CDH23: variants seen among roughly 807,000 people sequenced by gnomAD.
CDH23 encodes the protein cadherin related 23, also known as cadherin-23.
A neutral mutation model predicts 317.1 loss-of-function variants in CDH23; 189 were observed. The ratio of observed to expected loss-of-function variants is 0.60; its 90% CI spans 0.53 to 0.67. The LOEUF is 0.67. CDH23 is among the 30% of genes least tolerant of loss of function. The pLI, the probability that CDH23 is intolerant of heterozygous loss-of-function variation, is 0.00. For missense variants in CDH23, 4,401 were observed against 4,592.4 expected, an observed-to-expected ratio of 0.96 and a Z score of 1.20; for synonymous variants, 1,839 against 1,876.8, an observed-to-expected ratio of 0.98 and a Z score of 0.52.
intron 6 of CDH23, among the ~76,000 whole-genome samples, chr10:71,527,884 G>A (rs144111522): frequency 4.6e-4 from 70 of 152,274 alleles, no homozygotes; most frequent in Non-Finnish European, 8.4e-4. Flanking sequence ...ATCAGTTTGC[G>A]TCCACCTGGA....
rs538009100 is a variant in CDH23 at position 71,815,378 on chromosome 10, G to C, written c.*100G>C. ...GGCCGGTCGGGGGGGACCCTCCAAG[G>C]CCAGGCCTTGGGGACAACCTTGGCT... On this transcript the variant is annotated 3_prime_UTR_variant, in exon 70 of 70. Coordinates refer to ENST00000224721, the MANE Select transcript of CDH23 (RefSeq NM_022124.6). 7.2e-5 allele frequency: 86 copies of C among 1,191,866 alleles called. 1 individual carries two copies. The African/African-American group carries it at 1.2e-3, about 16-fold the overall frequency. The allele number at this position is 1,191,866 out of a possible 1,614,324, so 73.8% of individuals were successfully genotyped here. A position where few individuals can be genotyped will look rare whatever the true frequency, so the allele number is the denominator to read the frequency against.
At chr10:71,461,628 G>A (rs375306089) in intron 3 of CDH23, among the ~76,000 whole-genome samples, 8 of 152,174 alleles carry the variant, frequency 5.3e-5, no homozygotes, top group Non-Finnish European at 8.8e-5. Flanking sequence ...CTCCATGCAC[G>A]GTCCATCACC....
chr10:71,642,691 C>T (rs1564704863), intron 11 of CDH23, among the ~76,000 whole-genome samples: 1 of 151,704 alleles, frequency 6.6e-6, no homozygotes, highest in Non-Finnish European at 1.5e-5. Context: ...TGAGCCACCG[C>T]ACCCGGCCTG....
In CDH23 at chr10:71,804,471, C is replaced by T. The variant is rs534081102; in HGVS notation, c.7872+1051C>T. ...AGAATGTCTCCCACTTGTTCTTTGTCCCCCAAACTCCACCCAGGCTCCACA... is the reference window on the plus strand; with the variant it reads ...AGAATGTCTCCCACTTGTTCTTTGTTCCCCAAACTCCACCCAGGCTCCACA... On this transcript the variant is annotated intron_variant, in intron 55 of 69. Coordinates refer to ENST00000224721, the MANE Select transcript of CDH23 (RefSeq NM_022124.6). Among the ~76,000 whole-genome samples, 9 of 152,276 alleles carry T rather than the reference C, an allele frequency of 5.9e-5. No homozygotes were observed. The South Asian group carries it at 1.9e-3, about 32-fold the overall frequency.
At chr10:71,484,111 G>C (rs1380282937) in intron 3 of CDH23, among the ~76,000 whole-genome samples, 2 of 152,220 alleles carry the variant, frequency 1.3e-5, no homozygotes, top group Non-Finnish European at 2.9e-5. Context: ...GTGAGGGCTT[G>C]AGGCATGGTG....
At position 71,777,757 on chromosome 10, in the gene CDH23, G is replaced by A. The variant is rs763455701; in HGVS notation, c.4923G>A (p.Val1641=). ...TGTTCCAGCAGCCCCACTATGAGGT[G>A]CTGCTGGATGAGGGCCCAGACACGC... ...APMFQQPHYE[V]LLDEGPDTLN... Residue 1641 remains valine (V), a synonymous_variant, in exon 39 of 70, where the codon GTG becomes GTA. Coordinates refer to ENST00000224721, the MANE Select transcript of CDH23 (RefSeq NM_022124.6). 122 of 1,613,722 alleles carry A rather than the reference G, an allele frequency of 7.6e-5. 11 individuals are homozygous for A. The highest frequency in any genetic ancestry group is 4.2e-6 in the Non-Finnish European group (5 of 1,179,844).
intron 41 of CDH23, among the ~76,000 whole-genome samples, chr10:71,784,001 GGCCT>G (rs1273805321): frequency 6.6e-6 from 1 of 152,182 alleles, no homozygotes. Flanking sequence ...GTCAGTCTCT[GGCCT>G]GCCTGTGGCC....
chr10:71,596,610 G>A (rs934168454), intron 9 of CDH23, among the ~76,000 whole-genome samples: 2 of 152,108 alleles, frequency 1.3e-5, no homozygotes, highest in Non-Finnish European at 2.9e-5. Flanking sequence ...TCCCTTCCAC[G>A]CCAGGACCCC....
chr10:71,794,242 A>G (rs1841344373), intron 48 of CDH23, among the ~76,000 whole-genome samples: 1 of 152,168 alleles, frequency 6.6e-6, no homozygotes, highest in Non-Finnish European at 1.5e-5. Context: ...ACCTCAGGTG[A>G]TCCACCTGCC....
chr10:71,445,847 C>CAAAAAAA (rs34460284), intron 2 of CDH23, among the ~76,000 whole-genome samples: 15 of 92,016 alleles, frequency 1.6e-4, no homozygotes, highest in African/African-American at 6.0e-4. Context: ...GACTCTGTCT[C>CAAAAAAA]AAAAAAAAAA....
At chr10:71,669,677 A>C (rs1864061944) in intron 14 of CDH23, among the ~76,000 whole-genome samples, 1 of 152,030 alleles carries the variant, frequency 6.6e-6, no homozygotes, top group South Asian at 2.1e-4. Flanking sequence ...TGATCTCTTG[A>C]TCTCAGGTGA....
intron 9 of CDH23, among the ~76,000 whole-genome samples, chr10:71,591,201 G>A (rs971704698): frequency 6.6e-6 from 1 of 152,178 alleles, no homozygotes; most frequent in Non-Finnish European, 1.5e-5. Flanking sequence ...GGGCAGAGGC[G>A]AGGATAACAG....
At chr10:71,625,413 A>AC (rs1354477858) in intron 11 of CDH23, among the ~76,000 whole-genome samples, 5 of 141,662 alleles carry the variant, frequency 3.5e-5, no homozygotes, top group South Asian at 2.5e-4. Context: ...AAAAAAAAAA[A>AC]AAAAAAAAAA....
At chr10:71,559,509 C>G (rs1564652741) in intron 6 of CDH23, among the ~76,000 whole-genome samples, 2 of 152,078 alleles carry the variant, frequency 1.3e-5, no homozygotes, top group African/African-American at 4.8e-5. Flanking sequence ...ATGGCTGCAG[C>G]AGGTCAGGAG....
intron 9 of CDH23, among the ~76,000 whole-genome samples, chr10:71,586,822 C>A (rs915162493): frequency 6.6e-6 from 1 of 152,188 alleles, no homozygotes; most frequent in African/African-American, 2.4e-5. Flanking sequence ...ACATAGGCTC[C>A]TGGGACTCCT....
chr10:71,662,450 A>G (rs971793391), intron 14 of CDH23, among the ~76,000 whole-genome samples: 22 of 152,132 alleles, frequency 1.4e-4, no homozygotes, highest in African/African-American at 5.3e-4. Flanking sequence ...CCACAGGGCA[A>G]GGGAGAGGAG....
rs201132251 is a variant in CDH23 at position 71,566,863 on chromosome 10, G to A, written c.551G>A (p.Arg184His). 1.5e-4 allele frequency: 239 copies of A among 1,613,926 alleles called. 2 individuals are homozygous for A. The highest frequency in any genetic ancestry group is 1.8e-4 in the Non-Finnish European group (218 of 1,179,878). Reference protein sequence around the residue: ...PSQFFAIDSARGIVTVIRELD... With the variant: ...PSQFFAIDSAHGIVTVIRELD... Reference sequence around the variant, plus strand: ...CAATTCTTCGCCATTGACAGCGCCCGCGGTATCGTCACAGTGATCCGGGAG... The same window carrying A: ...CAATTCTTCGCCATTGACAGCGCCCACGGTATCGTCACAGTGATCCGGGAG... The change falls in exon 7 of 70, where the codon CGC (arginine) becomes CAC (histidine). Residue 184 changes from arginine to histidine, a missense_variant. Physicochemically the swap from Arg to His is conservative, Grantham distance 29 (BLOSUM62 0). Coordinates refer to ENST00000224721, the MANE Select transcript of CDH23 (RefSeq NM_022124.6).
intron 6 of CDH23, among the ~76,000 whole-genome samples, chr10:71,528,388 C>G (rs1276016965): frequency 6.6e-6 from 1 of 152,176 alleles, no homozygotes; most frequent in African/African-American, 2.4e-5. Context: ...CTCAGTGCCC[C>G]CTCGGCCTGG....
intron 38 of CDH23, chr10:71,749,184 G>C (rs577240197): frequency 6.6e-6 from 1 of 152,324 alleles, no homozygotes; most frequent in Non-Finnish European, 1.5e-5. Flanking sequence ...CCTGAGTTGG[G>C]AGAACCGGAA....
Sources: gnomAD v4.1 joint callset for allele counts (sites outside exome capture counted in the v4.1 genomes callset) on GRCh38, gnomAD v4.1.1 for gene constraint, MANE v1.5 for transcripts, NCBI Gene and HGNC (gene_info 2026-07-23, HGNC 2026-07-21) for gene names.